CARF: variants seen among roughly 807,000 people sequenced by gnomAD.
The protein encoded by CARF is calcium responsive transcription factor.
Under a neutral mutation model 82.0 loss-of-function variants are expected in CARF, and 57 were observed. The observed-to-expected ratio is 0.70, with a 90% CI of 0.56 to 0.87. The LOEUF is 0.87. Ranked by LOEUF, CARF falls within the 40% of genes least tolerant of loss-of-function variation. The probability of loss-of-function intolerance (pLI) is 0.00; values close to 1 mark genes in which losing one functional copy is unlikely to be tolerated. For synonymous variants in CARF, 268 were observed against 290.1 expected, an observed-to-expected ratio of 0.92 and a Z score of 0.77; for missense variants, 771 against 855.8, an observed-to-expected ratio of 0.90 and a Z score of 1.24.
At chr2:202,955,179 AT>A (rs1559238124) in intron 7 of CARF, among the ~76,000 whole-genome samples, 1 of 152,198 alleles carries the variant, frequency 6.6e-6, no homozygotes, top group African/African-American at 2.4e-5. Flanking sequence ...TTAGGGAAAT[AT>A]GTACATGGCT....
chr2:202,939,755 T>G (rs2058135562), intron 3 of CARF, among the ~76,000 whole-genome samples: 1 of 144,022 alleles, frequency 6.9e-6, no homozygotes, highest in Admixed American at 7.0e-5. Context: ...GTGGCATGAT[T>G]ATGGCTCACT....
intron 9 of CARF, among the ~76,000 whole-genome samples, chr2:202,963,539 G>A (rs1042794581): frequency 2.6e-5 from 4 of 152,174 alleles, no homozygotes; most frequent in Non-Finnish European, 5.9e-5. Flanking sequence ...CCAGGATGGG[G>A]GATGGGGGAT....
At chr2:202,977,450 G>C in intron 14 of CARF, 118 bp downstream of exon 14, 2 of 723,452 alleles carry the variant, frequency 2.8e-6, no homozygotes, top group Non-Finnish European at 4.8e-6. Context: ...ATCCAAAGAC[G>C]TAGGAGCAGC....
At chr2:202,966,010 T>C (rs1236875948) in intron 9 of CARF, among the ~76,000 whole-genome samples, 7 of 152,322 alleles carry the variant, frequency 4.6e-5, no homozygotes, top group African/African-American at 1.7e-4. Context: ...CTCTTGTGGC[T>C]GTCAGCAGGC....
At chr2:202,915,628 C>T (rs2105929644) in intron 1 of CARF, among the ~76,000 whole-genome samples, 1 of 152,256 alleles carries the variant, frequency 6.6e-6, no homozygotes, top group Middle Eastern at 3.4e-3. Flanking sequence ...CGCCACCACG[C>T]CCAGCTAATT....
At chr2:202,969,681 G>GA (rs1165641754) in intron 10 of CARF, among the ~76,000 whole-genome samples, 2 of 151,928 alleles carry the variant, frequency 1.3e-5, no homozygotes, top group African/African-American at 4.8e-5. Flanking sequence ...AAATCTACGG[G>GA]AAAAAAATAG....
intron 13 of CARF, among the ~76,000 whole-genome samples, chr2:202,976,869 C>G (rs2060052330): frequency 6.6e-6 from 1 of 151,880 alleles, no homozygotes; most frequent in Admixed American, 6.6e-5. Context: ...GCCATTACAC[C>G]CAGCTAATTT....
rs973759979 is a variant in CARF at position 202,987,911 on chromosome 2, G to A, written c.*4287G>A. Among the ~76,000 whole-genome samples the A allele has an allele frequency of 1.2e-4, 18 of 152,110 alleles. No individual in the cohort carries two copies. Among genetic ancestry groups the A allele is most frequent in the African/African-American group, 4.1e-4 (17 of 41,422 alleles). On this transcript the variant is annotated 3_prime_UTR_variant, in exon 17 of 17. Transcript: ENST00000438828. ...TACAGCCATGAAATCATCAGCATAA[G>A]CAAGGTAATGAACATATTCATCACT... is the stretch of plus-strand genomic sequence containing the variant.
intron 8 of CARF, among the ~76,000 whole-genome samples, chr2:202,960,304 C>T (rs201852883): frequency 6.6e-6 from 1 of 151,494 alleles, no homozygotes; most frequent in East Asian, 1.9e-4. Context: ...GGCTGGAGCG[C>T]AATGGCACAA....
rs1459064074 is a variant in CARF, at chr2:202,982,415, A to C, written c.2033A>C (p.Gln678Pro). Residue 678 changes from glutamine to proline, a missense_variant, in exon 16 of 17, where the codon CAG becomes CCG. Gln to Pro is a moderately conservative substitution (Grantham distance 76). Transcript: ENST00000438828. ...LLGDVQTIPI[Q>P]IIDNHSALIE... Reference sequence around the variant, plus strand: ...GGAGATGTGCAGACTATTCCAATACAGATTATAGACAACCACTCAGCTCTT... The same window carrying C: ...GGAGATGTGCAGACTATTCCAATACCGATTATAGACAACCACTCAGCTCTT... The C allele has an allele frequency of 6.2e-7, 1 of 1,613,964 alleles. No homozygotes were observed. Among genetic ancestry groups the C allele is most frequent in the East Asian group, 2.2e-5 (1 of 44,894 alleles).
At position 202,917,888 on chromosome 2, in the gene CARF, C is replaced by A. The variant is rs997743337; in HGVS notation, c.-318C>A. 2 of 294,432 alleles carry A rather than the reference C, an allele frequency of 6.8e-6. No homozygotes were observed. The highest frequency in any genetic ancestry group is 9.8e-5 in the Admixed American group (2 of 20,502). 18.2% of individuals were successfully genotyped at this position (294,432 alleles called of 1,614,324 possible). A position where few individuals can be genotyped will look rare whatever the true frequency, so the allele number is the denominator to read the frequency against. On this transcript the variant is annotated 5_prime_UTR_variant, in exon 2 of 17. In the 5' UTR this introduces an upstream ATG that the reference lacks. Coordinates refer to ENST00000438828, the MANE Select transcript of CARF (RefSeq NM_024744.17). ...CCTTCTCATTACAGAGAAAATGCTG[C>A]TGTGAAGACCCAATTAAAGCTTTCA...
intron 14 of CARF, among the ~76,000 whole-genome samples, chr2:202,980,706 A>G (rs2060228458): frequency 7.4e-6 from 1 of 134,836 alleles, no homozygotes; most frequent in Non-Finnish European, 1.6e-5. Flanking sequence ...TGGCTTCAAC[A>G]AACTGCTGAC....
intron 3 of CARF, among the ~76,000 whole-genome samples, chr2:202,927,907 C>G (rs1216398940): frequency 6.6e-6 from 1 of 151,594 alleles, no homozygotes; most frequent in African/African-American, 2.4e-5. Context: ...TTCAAGCAAT[C>G]CTCACCTAAG....
At chr2:202,975,157 A>G (rs1311896330) in intron 13 of CARF, among the ~76,000 whole-genome samples, 1 of 151,500 alleles carries the variant, frequency 6.6e-6, no homozygotes, top group African/African-American at 2.4e-5. Context: ...CTAAAAATAC[A>G]AAAAATAGCT....
intron 3 of CARF, among the ~76,000 whole-genome samples, chr2:202,937,275 AT>A (rs963025951): frequency 1.6e-4 from 25 of 151,882 alleles, no homozygotes; most frequent in South Asian, 6.2e-4. Context: ...AGTTACATGC[AT>A]TTTTTTTAGT....
chr2:202,917,775 G>A (rs569265078), intron 1 of CARF, 102 bp from the exon 2 acceptor site: 48 of 209,974 alleles, frequency 2.3e-4, no homozygotes, highest in African/African-American at 1.1e-3. Flanking sequence ...ACCACACCAG[G>A]CTGATAATGG....
Position 202,986,256 on chromosome 2 carries a change from A to C in CARF, c.*2632A>C, listed in dbSNP as rs1279706762. The C allele has an allele frequency of 6.6e-6, 1 of 152,174 alleles. No homozygotes were observed. Among genetic ancestry groups the C allele is most frequent in the Non-Finnish European group, 1.5e-5 (1 of 67,988 alleles). The allele number at this position is 152,174 out of a possible 1,614,324, so 9.4% of individuals were successfully genotyped here. ...ATCAGTATTGTGTTTAAAGGTGCTC[A>C]GCATCACTTTTTGAAAACTATGTTT... On this transcript the variant is annotated 3_prime_UTR_variant, in exon 17 of 17. Transcript: ENST00000438828.
chr2:202,953,947 A>G, intron 6 of CARF, 58 bp from the exon 7 acceptor site: 1 of 1,474,710 alleles, frequency 6.8e-7, no homozygotes, highest in South Asian at 1.4e-5. Flanking sequence ...AGTTAGGTAT[A>G]TTCTTATGGT....
chr2:202,972,631 C>T (rs569674536), intron 12 of CARF, among the ~76,000 whole-genome samples: 5 of 145,970 alleles, frequency 3.4e-5, no homozygotes, highest in African/African-American at 5.1e-5. Flanking sequence ...GAGCCGAGAT[C>T]GCGCCACTGC....
Sources: gnomAD v4.1 joint callset for allele counts (sites outside exome capture counted in the v4.1 genomes callset) on GRCh38, gnomAD v4.1.1 for gene constraint, MANE v1.5 for transcripts, NCBI Gene and HGNC (gene_info 2026-07-23, HGNC 2026-07-21) for gene names.